Variants in ZSWIM9 observed in about 807,000 individuals in gnomAD.
ZSWIM9 encodes the protein uncharacterized protein ZSWIM9.
A neutral mutation model predicts 25.0 loss-of-function variants in ZSWIM9; 11 were observed. That is an observed-to-expected ratio of 0.44 (90% CI 0.28 to 0.73). The LOEUF is 0.73. Ranked by LOEUF, ZSWIM9 falls within the 30% of genes least tolerant of loss-of-function variation. The pLI is 0.16. For missense variants in ZSWIM9, 1,070 were observed against 1,296.5 expected, an observed-to-expected ratio of 0.83 and a Z score of 2.68; for synonymous variants, 562 against 582.1, an observed-to-expected ratio of 0.97 and a Z score of 0.50.
chr19:48,183,006 C>T (rs1051137652), intron 3 of ZSWIM9: 2 of 524,212 alleles, frequency 3.8e-6, no homozygotes, highest in Non-Finnish European at 6.8e-6. Flanking sequence ...GTAGAACTTT[C>T]TTCCAGGATG....
At chr19:48,177,095 T>A (rs1327799182) in intron 2 of ZSWIM9, among the ~76,000 whole-genome samples, 1 of 151,280 alleles carries the variant, frequency 6.6e-6, no homozygotes, top group Non-Finnish European at 1.5e-5. Context: ...TAAAAAAAAA[T>A]AAAATTCCCT....
At chr19:48,192,587 A>C (rs1422919272) in intron 3 of ZSWIM9, among the ~76,000 whole-genome samples, 1 of 144,328 alleles carries the variant, frequency 6.9e-6, no homozygotes, top group Non-Finnish European at 1.5e-5. Flanking sequence ...ATGTTCTCCC[A>C]CCTACTGCTT....
intron 3 of ZSWIM9, among the ~76,000 whole-genome samples, chr19:48,187,475 T>G (rs1338035829): frequency 4.5e-5 from 3 of 66,008 alleles, no homozygotes; most frequent in African/African-American, 1.4e-4. Context: ...ATATATTATA[T>G]ATATTATATA....
rs1480286362 is a variant in ZSWIM9 at position 48,192,466 on chromosome 19, A to ATGTAT, written c.589-2187_589-2186insTGTAT. The stretch of plus-strand genomic sequence containing the variant: ...CTCTGTCTCAAAAAAAAAAAAAAAA[A>ATGTAT]AAAAAAAAAAAAAAATATATATATA... On this transcript the variant is annotated intron_variant, in intron 3 of 3. Coordinates refer to ENST00000614654, the MANE Select transcript of ZSWIM9 (RefSeq NM_199341.4). Among the ~76,000 whole-genome samples the ATGTAT allele has an allele frequency of 4.4e-4, 10 of 22,796 alleles. 1 individual carries two copies. The highest frequency in any genetic ancestry group is 1.9e-3 in the South Asian group (1 of 540). 15.0% of individuals were successfully genotyped at this position (22,796 alleles called of 152,430 possible).
At chr19:48,191,254 G>C (rs1392999677) in intron 3 of ZSWIM9, among the ~76,000 whole-genome samples, 1 of 152,088 alleles carries the variant, frequency 6.6e-6, no homozygotes. Context: ...GCCCAGGCTG[G>C]AGTACAGTGG....
chr19:48,175,350 G>A (rs1176736647), intron 2 of ZSWIM9, among the ~76,000 whole-genome samples: 1 of 152,104 alleles, frequency 6.6e-6, no homozygotes, highest in Admixed American at 6.6e-5. Flanking sequence ...GTTCAGGAAC[G>A]ATATCTTGGA....
chr19:48,196,822 C>T lies in ZSWIM9; in HGVS notation c.2758C>T (p.Pro920Ser), dbSNP rs1418731152. Residue 920 changes from proline (P) to serine (S), a missense_variant, in exon 4 of 4, where the codon CCC becomes TCC. Physicochemically the swap from Pro to Ser is moderately conservative, Grantham distance 74 (BLOSUM62 -1). This residue lies in a region of ZSWIM9 where 583 missense variants were observed against 624.7 expected (regional missense o/e 0.93). Coordinates refer to ENST00000614654, the MANE Select transcript of ZSWIM9 (RefSeq NM_199341.4). Reference sequence around the variant, plus strand: ...GGATTGCTGGGGGAGAGCCCCAGAGCCCTGACCCTTCATGCCTCTGCCCAC... The same window carrying T: ...GGATTGCTGGGGGAGAGCCCCAGAGTCCTGACCCTTCATGCCTCTGCCCAC... ...LRDCWGRAPE[P>S] 4 of 1,240,536 alleles carry T rather than the reference C, an allele frequency of 3.2e-6. No individual in the cohort carries two copies. The highest frequency in any genetic ancestry group is 3.1e-4 in the Middle Eastern group (1 of 3,244). 76.8% of individuals were successfully genotyped at this position (1,240,536 alleles called of 1,614,324 possible). A position where few individuals can be genotyped will look rare whatever the true frequency, so the allele number is the denominator to read the frequency against.
chr19:48,197,337 G>T lies in ZSWIM9; in HGVS notation c.*510G>T. On this transcript the variant is annotated 3_prime_UTR_variant, in exon 4 of 4. Coordinates refer to ENST00000614654, the MANE Select transcript of ZSWIM9 (RefSeq NM_199341.4). Reference sequence around the variant, plus strand: ...AGAGGACAAGCAAAGAGACAGAAATGAAGACATGAGGAAAAGCTGGGGGAA... The same window carrying T: ...AGAGGACAAGCAAAGAGACAGAAATTAAGACATGAGGAAAAGCTGGGGGAA... 1.4e-6 allele frequency: 1 copy of T among 700,514 alleles called. No individual in the cohort carries two copies. Among genetic ancestry groups the T allele is most frequent in the South Asian group, 1.5e-5 (1 of 67,268 alleles). 43.4% of individuals were successfully genotyped at this position (700,514 alleles called of 1,614,324 possible).
Position 48,197,397 on chromosome 19 carries a change from A to G in ZSWIM9, c.*570A>G, listed in dbSNP as rs1045313801. 3.5e-5 allele frequency: 22 copies of G among 637,168 alleles called. No homozygotes were observed. The Admixed American group carries it at 4.2e-4, about 12-fold the overall frequency. The allele number at this position is 637,168 out of a possible 1,614,324, so 39.5% of individuals were successfully genotyped here. On this transcript the variant is annotated 3_prime_UTR_variant, in exon 4 of 4. Coordinates refer to ENST00000614654, the MANE Select transcript of ZSWIM9 (RefSeq NM_199341.4). ...GAAGGGACGGGATGTAGGAGGGGGA[A>G]GAAAAATCGGAGATGAGACAAAAGA...
intron 3 of ZSWIM9, among the ~76,000 whole-genome samples, chr19:48,185,111 C>G (rs10421339): frequency 0.59 from 88,733 of 150,688 alleles, 27,280 homozygotes; most frequent in East Asian, 0.86. Context: ...TTGGCTCCTG[C>G]GTCTGTGTTT....
chr19:48,194,929 G>C lies in ZSWIM9; in HGVS notation c.865G>C (p.Val289Leu), dbSNP rs1212131053. 4 of 1,320,436 alleles carry C rather than the reference G, an allele frequency of 3.0e-6. No individual in the cohort carries two copies. In the African/African-American group the frequency reaches 4.8e-5, roughly 16 times the overall value. 81.8% of individuals were successfully genotyped at this position (1,320,436 alleles called of 1,614,324 possible). The change falls in exon 4 of 4, where the codon GTG becomes CTG. Residue 289 changes from valine (V) to leucine (L), a missense_variant. Val to Leu is a conservative substitution (Grantham distance 32). This residue lies in a region of ZSWIM9 where 184 missense variants were observed against 243.1 expected (regional missense o/e 0.76). Transcript: ENST00000614654. This position sits in a 1 kb window ranked among gnomAD's most constrained non-coding sequence, Gnocchi z 6.0. Reference protein sequence around the residue: ...LQSAPDVKGRVRCLTAGPEVA... With the variant: ...LQSAPDVKGRLRCLTAGPEVA... ...GAGCGCGCCAGACGTCAAGGGCCGC[G>C]TGCGCTGCCTCACCGCCGGGCCCGA...
rs2037183313 is a variant in ZSWIM9, at chr19:48,197,499, C to T, written c.*672C>T. On this transcript the variant is annotated 3_prime_UTR_variant, in exon 4 of 4. Transcript: ENST00000614654. ...TTCTCCAAGACCTGGAGACATCGAC[C>T]CCCATCGCCTTCTGAAGAGAGAGGG... is the stretch of plus-strand genomic sequence containing the variant. 2 of 562,096 alleles carry T rather than the reference C, an allele frequency of 3.6e-6. No homozygotes were observed. Among genetic ancestry groups the T allele is most frequent in the African/African-American group, 3.8e-5 (2 of 52,884 alleles). 34.8% of individuals were successfully genotyped at this position (562,096 alleles called of 1,614,324 possible).
rs755163670 is a variant in ZSWIM9, at chr19:48,174,452, C to T, written c.275+2375C>T. ...GTTACAGGATTCGAGAGCATGGACTCTGGGCCATTGTGCTGCTGATGCTTG... is the reference window on the plus strand; with the variant it reads ...GTTACAGGATTCGAGAGCATGGACTTTGGGCCATTGTGCTGCTGATGCTTG... On this transcript the variant is annotated intron_variant, in intron 2 of 3. Transcript: ENST00000614654. Among the ~76,000 whole-genome samples the T allele has an allele frequency of 3.3e-5, 5 of 152,246 alleles. No individual in the cohort carries two copies. In the East Asian group the frequency reaches 9.7e-4, roughly 29 times the overall value.
At position 48,197,619 on chromosome 19, in the gene ZSWIM9, G is replaced by A; in HGVS notation, c.*792G>A. ...GATTGGAATAAAACAATCTTATTTT[G>A]GTTTCCGTGATGAGTTCTTGGCTTC... On this transcript the variant is annotated 3_prime_UTR_variant, in exon 4 of 4. Coordinates refer to ENST00000614654, the MANE Select transcript of ZSWIM9 (RefSeq NM_199341.4). 4.1e-6 allele frequency: 1 copy of A among 246,308 alleles called. No homozygotes were observed. Among genetic ancestry groups the A allele is most frequent in the South Asian group, 7.2e-5 (1 of 13,904 alleles). 15.3% of individuals were successfully genotyped at this position (246,308 alleles called of 1,614,324 possible). A position where few individuals can be genotyped will look rare whatever the true frequency, so the allele number is the denominator to read the frequency against.
intron 3 of ZSWIM9, among the ~76,000 whole-genome samples, chr19:48,191,659 T>C (rs2037096242): frequency 6.6e-6 from 1 of 152,190 alleles, no homozygotes; most frequent in African/African-American, 2.4e-5. Flanking sequence ...CTGATGTTCA[T>C]GTTTGTGGAA....
In ZSWIM9 at chr19:48,196,748, C is replaced by T; in HGVS notation, c.2684C>T (p.Ala895Val). ...ARRLPCRHLF[A>V]ARLLTGAALF... Reference sequence around the variant, plus strand: ...CGTCTGCCCTGCAGACACCTCTTTGCAGCGCGCCTCCTCACTGGGGCTGCC... The same window carrying T: ...CGTCTGCCCTGCAGACACCTCTTTGTAGCGCGCCTCCTCACTGGGGCTGCC... The change falls in exon 4 of 4, where the codon GCA (alanine) becomes GTA (valine). Residue 895 changes from alanine to valine, a missense_variant. This residue lies in a region of ZSWIM9 where 583 missense variants were observed against 624.7 expected (regional missense o/e 0.93). Coordinates refer to ENST00000614654, the MANE Select transcript of ZSWIM9 (RefSeq NM_199341.4). The T allele has an allele frequency of 8.1e-7, 1 of 1,233,540 alleles. No individual in the cohort carries two copies. Among genetic ancestry groups the T allele is most frequent in the Admixed American group, 4.2e-5 (1 of 23,872 alleles). 76.4% of individuals were successfully genotyped at this position (1,233,540 alleles called of 1,614,324 possible). A position where few individuals can be genotyped will look rare whatever the true frequency, so the allele number is the denominator to read the frequency against.
intron 2 of ZSWIM9, 37 bp downstream of exon 2, chr19:48,172,114 G>C (rs2036834575): frequency 6.8e-7 from 1 of 1,468,618 alleles, no homozygotes; most frequent in Non-Finnish European, 9.1e-7. Flanking sequence ...CTGGGGGGAA[G>C]GGGAGCACCG....
intron 2 of ZSWIM9, among the ~76,000 whole-genome samples, chr19:48,175,767 A>C (rs1005636723): frequency 2.0e-5 from 3 of 152,140 alleles, no homozygotes; most frequent in Non-Finnish European, 4.4e-5. Flanking sequence ...TGAAGTCACC[A>C]CTGCTGCAGC....
rs1192754664 is a variant in ZSWIM9 at position 48,195,610 on chromosome 19, A to T, written c.1546A>T (p.Arg516Trp). ...GGAQFEGEKG[R>W]ALQIRDWRGG... is the part of the protein sequence containing the mutation. Reference sequence around the variant, plus strand: ...GGCTCAGTTCGAAGGTGAGAAGGGGAGGGCACTGCAGATCAGAGATTGGAG... The same window carrying T: ...GGCTCAGTTCGAAGGTGAGAAGGGGTGGGCACTGCAGATCAGAGATTGGAG... The change falls in exon 4 of 4, where the codon AGG (arginine) becomes TGG (tryptophan). Residue 516 changes from arginine to tryptophan, a missense_variant. Coordinates refer to ENST00000614654, the MANE Select transcript of ZSWIM9 (RefSeq NM_199341.4). This position sits in a 1 kb window ranked among gnomAD's most constrained non-coding sequence, Gnocchi z 5.8. The T allele has an allele frequency of 4.2e-6, 6 of 1,420,438 alleles. 1 individual carries two copies. In the South Asian group the frequency reaches 9.1e-5, roughly 22 times the overall value. 88.0% of individuals were successfully genotyped at this position (1,420,438 alleles called of 1,614,324 possible).
Sources: allele counts gnomAD v4.1 joint callset (sites outside exome capture counted in the v4.1 genomes callset), GRCh38; gene constraint gnomAD v4.1.1; regional missense constraint gnomAD v4.1.1; non-coding constraint Gnocchi (gnomAD v3.1); transcripts MANE v1.5; gene names NCBI Gene and HGNC (gene_info 2026-07-23, HGNC 2026-07-21).